The following SLC10A5 variants were observed in gnomAD, a reference collection of about 807,000 sequenced individuals.
SLC10A5 encodes sodium/bile acid cotransporter 5.
For missense variants in SLC10A5, 475 were observed against 500.7 expected (o/e 0.95, Z 0.49); for synonymous variants, 181 against 183.7 (o/e 0.99, Z 0.12).
Position 81,693,770 on chromosome 8 carries a change from A to G in SLC10A5, c.1203T>C (p.Phe401=), listed in dbSNP as rs746553143. ...CACATCCAGAACACATGGCTACTGT[A>G]AAAGGAGCCACAGAAGCTAAATTGG... ...SKANLASVAP[F]TVAMCSGCEM... is the part of the protein sequence containing the mutation. Residue 401 remains phenylalanine (F), a synonymous_variant, in exon 1 of 1, where the codon TTT becomes TTC. Coordinates refer to ENST00000518568, the MANE Select transcript of SLC10A5 (RefSeq NM_001010893.3). The G allele has an allele frequency of 1.9e-6, 3 of 1,613,962 alleles. No individual in the cohort carries two copies. The South Asian group carries it at 3.3e-5, about 18-fold the overall frequency.
rs752270441 is a variant in SLC10A5 at position 81,693,997 on chromosome 8, A to C, written c.976T>G (p.Leu326Val). Residue 326 changes from leucine to valine, a missense_variant, in exon 1 of 1, where the codon TTA (leucine) becomes GTA (valine). Transcript: ENST00000518568. ...AGATTATCTGTTTTTAAGAACACTA[A>C]TCCCACTGTGAAAGTCAAATAAATT... is the stretch of plus-strand genomic sequence containing the variant. Reference protein sequence around the residue: ...VGIYLTFTVGLVFLKTDNLEV... With the variant: ...VGIYLTFTVGVVFLKTDNLEV... 15 of 1,613,752 alleles carry C rather than the reference A, an allele frequency of 9.3e-6. No individual in the cohort carries two copies. The highest frequency in any genetic ancestry group is 1.3e-5 in the Non-Finnish European group (15 of 1,180,030).
Position 81,694,917 on chromosome 8 carries a change from G to C in SLC10A5, c.56C>G (p.Ala19Gly), listed in dbSNP as rs772578182. Residue 19 changes from alanine to glycine, a missense_variant, in exon 1 of 1, where the codon GCA (alanine) becomes GGA (glycine). By Grantham distance (60) the Ala-to-Gly change is moderately conservative. Transcript: ENST00000518568. ...CAGAAAACTGAGCGATGACATCCTT[G>C]CTTCTTCTATAGTCACAAGCAACAA... Reference protein sequence around the residue: ...LLLLLVTIEEARMSSLSFLNI... With the variant: ...LLLLLVTIEEGRMSSLSFLNI... 13 of 1,598,912 alleles carry C rather than the reference G, an allele frequency of 8.1e-6. No homozygotes were observed. The East Asian group carries it at 2.9e-4, about 36-fold the overall frequency.
In SLC10A5 at chr8:81,695,012, T is replaced by TA. The variant is rs1476437722; in HGVS notation, c.-41dup. ...TAAATCATATATGCAAAATCGTTTTTAAAAAATGAAAGAACATTCTTCATG... is the reference window on the plus strand; with the variant it reads ...TAAATCATATATGCAAAATCGTTTTTAAAAAAATGAAAGAACATTCTTCATG... On this transcript the variant is annotated 5_prime_UTR_variant, in exon 1 of 1. The change creates a premature stop within an existing upstream ORF in the 5' untranslated region. Coordinates refer to ENST00000518568, the MANE Select transcript of SLC10A5 (RefSeq NM_001010893.3). 7.6e-6 allele frequency: 11 copies of TA among 1,448,884 alleles called. No individual in the cohort carries two copies. The highest frequency in any genetic ancestry group is 2.4e-5 in the Admixed American group (1 of 40,958). 89.8% of individuals were successfully genotyped at this position (1,448,884 alleles called of 1,614,324 possible). A position where few individuals can be genotyped will look rare whatever the true frequency, so the allele number is the denominator to read the frequency against.
chr8:81,694,046 C>T lies in SLC10A5; in HGVS notation c.927G>A (p.Leu309=). 6.2e-7 allele frequency: 1 copy of T among 1,613,884 alleles called. No individual in the cohort carries two copies. The highest frequency in any genetic ancestry group is 2.2e-5 in the East Asian group (1 of 44,866). The stretch of plus-strand genomic sequence containing the variant: ...TTCCTACGAACATTAAAATAAAACT[C>T]AGAGGTCTAATTATTCTCTCTAAGA... ...ASFLERIIRP[L]SFILMFVGIY... Residue 309 remains leucine, a synonymous_variant, in exon 1 of 1, where the codon CTG becomes CTA. Transcript: ENST00000518568.
chr8:81,693,956 C>A lies in SLC10A5; in HGVS notation c.1017G>T (p.Leu339Phe), dbSNP rs751530257. The A allele has an allele frequency of 9.9e-6, 16 of 1,613,848 alleles. No homozygotes were observed. The highest frequency in any genetic ancestry group is 1.3e-5 in the Non-Finnish European group (15 of 1,180,038). Reference protein sequence around the residue: ...LKTDNLEVILLGLLVPALGLL... With the variant: ...LKTDNLEVILFGLLVPALGLL... ...AACCCAAAGCAGGAACTAAGAGACC[C>A]AACAGAATCACCTCTAGATTATCTG... Residue 339 changes from leucine to phenylalanine, a missense_variant, in exon 1 of 1, where the codon TTG becomes TTT. Physicochemically the swap from Leu to Phe is conservative, Grantham distance 22. Transcript: ENST00000518568.
At position 81,694,988 on chromosome 8, in the gene SLC10A5, A is replaced by T; in HGVS notation, c.-16T>A. On this transcript the variant is annotated 5_prime_UTR_variant, in exon 1 of 1. Coordinates refer to ENST00000518568, the MANE Select transcript of SLC10A5 (RefSeq NM_001010893.3). The stretch of plus-strand genomic sequence containing the variant: ...TTCTAATCATTTTGAAAGCTGAAAT[A>T]AATCATATATGCAAAATCGTTTTTA... 6.6e-7 allele frequency: 1 copy of T among 1,520,578 alleles called. No individual in the cohort carries two copies. The highest frequency in any genetic ancestry group is 8.8e-7 in the Non-Finnish European group (1 of 1,137,928). 94.2% of individuals were successfully genotyped at this position (1,520,578 alleles called of 1,614,324 possible).
At position 81,693,834 on chromosome 8, in the gene SLC10A5, G is replaced by C; in HGVS notation, c.1139C>G (p.Ala380Gly). 6.2e-7 allele frequency: 1 copy of C among 1,613,812 alleles called. No individual in the cohort carries two copies. The highest frequency in any genetic ancestry group is 8.5e-7 in the Non-Finnish European group (1 of 1,179,982). The change falls in exon 1 of 1, where the codon GCT becomes GGT. Residue 380 changes from alanine to glycine, a missense_variant. Physicochemically the swap from Ala to Gly is moderately conservative, Grantham distance 60. Coordinates refer to ENST00000518568, the MANE Select transcript of SLC10A5 (RefSeq NM_001010893.3). ...IESGMLNSFL[A>G]LAVIQLSFPQ... is the part of the protein sequence containing the mutation. The stretch of plus-strand genomic sequence containing the variant: ...AAAAGACAGCTGAATAACGGCAAGA[G>C]CTAAGAAACTATTTAACATCCCACT...
At position 81,694,822 on chromosome 8, in the gene SLC10A5, C is replaced by T. The variant is rs775547485; in HGVS notation, c.151G>A (p.Glu51Lys). 1.1e-5 allele frequency: 18 copies of T among 1,613,834 alleles called. No individual in the cohort carries two copies. The highest frequency in any genetic ancestry group is 1.6e-4 in the Middle Eastern group (1 of 6,074). The change falls in exon 1 of 1, where the codon GAA becomes AAA. Residue 51 changes from glutamate (E) to lysine (K), a missense_variant. Coordinates refer to ENST00000518568, the MANE Select transcript of SLC10A5 (RefSeq NM_001010893.3). The stretch of plus-strand genomic sequence containing the variant: ...TGGCTGGAATTAGGCCGTTTATTTT[C>T]GTAGCTTGAACTTACAAGGATGGTT... Reference protein sequence around the residue: ...EETILVSSSYENKRPNSSHLF... With the variant: ...EETILVSSSYKNKRPNSSHLF...
In SLC10A5 at chr8:81,694,398, C is replaced by G; in HGVS notation, c.575G>C (p.Gly192Ala). ...TGCCACAATCTGAGACAAAAGAAAC[C>G]CGCAAAATGGCATCAGAAAAAACTG... The part of the protein sequence containing the change: ...VTQFFLMPFC[G>A]FLLSQIVALP... The change falls in exon 1 of 1, where the codon GGG (glycine) becomes GCG (alanine). Residue 192 changes from glycine to alanine, a missense_variant. Coordinates refer to ENST00000518568, the MANE Select transcript of SLC10A5 (RefSeq NM_001010893.3). 4.3e-6 allele frequency: 7 copies of G among 1,614,100 alleles called. No homozygotes were observed. The highest frequency in any genetic ancestry group is 5.9e-6 in the Non-Finnish European group (7 of 1,180,030).
In SLC10A5 at chr8:81,694,782, A is replaced by G; in HGVS notation, c.191T>C (p.Ile64Thr). 2 of 1,613,822 alleles carry G rather than the reference A, an allele frequency of 1.2e-6. No individual in the cohort carries two copies. The highest frequency in any genetic ancestry group is 1.7e-4 in the Middle Eastern group (1 of 6,058). The part of the protein sequence containing the change: ...RPNSSHLFVK[I>T]EDPKILQMVN... ...CATTTGTAGTATTTTAGGATCTTCT[A>G]TTTTCACAAAGAGGTGGCTGGAATT... Residue 64 changes from isoleucine (I) to threonine (T), a missense_variant, in exon 1 of 1, where the codon ATA becomes ACA. Coordinates refer to ENST00000518568, the MANE Select transcript of SLC10A5 (RefSeq NM_001010893.3).
Position 81,694,050 on chromosome 8 carries a change from G to A in SLC10A5, c.923C>T (p.Pro308Leu), listed in dbSNP as rs763142890. 6.2e-6 allele frequency: 10 copies of A among 1,613,674 alleles called. No homozygotes were observed. Among genetic ancestry groups the A allele is most frequent in the South Asian group, 1.1e-5 (1 of 91,066 alleles). The change falls in exon 1 of 1, where the codon CCT becomes CTT. Residue 308 changes from proline to leucine, a missense_variant. By Grantham distance (98) the Pro-to-Leu change is moderately conservative. Transcript: ENST00000518568. ...KASFLERIIR[P>L]LSFILMFVGI... ...TACGAACATTAAAATAAAACTCAGA[G>A]GTCTAATTATTCTCTCTAAGAAGCT... is the stretch of plus-strand genomic sequence containing the variant.
chr8:81,694,598 C>A lies in SLC10A5; in HGVS notation c.375G>T (p.Val125=), dbSNP rs765735614. ...GGAGTAGACTGTCTTTTTGTTTGAG[C>A]ACTTTGACTTTCACATTCTTGATTT... ...IEEIKNVKVK[V]LKQKDSLLQA... Residue 125 remains valine, a synonymous_variant, in exon 1 of 1, where the codon GTG becomes GTT. Transcript: ENST00000518568. 5 of 1,613,968 alleles carry A rather than the reference C, an allele frequency of 3.1e-6. No homozygotes were observed. In the African/African-American group the frequency reaches 5.3e-5, roughly 17 times the overall value.
In SLC10A5 at chr8:81,694,541, T is replaced by C. The variant is rs1375797050; in HGVS notation, c.432A>G (p.Leu144=). 1 of 1,614,074 alleles carries C rather than the reference T, an allele frequency of 6.2e-7. No homozygotes were observed. Among genetic ancestry groups the C allele is most frequent in the Non-Finnish European group, 8.5e-7 (1 of 1,180,044 alleles). The change falls in exon 1 of 1, where the codon CTA becomes CTG. Residue 144 remains leucine (L), a synonymous_variant. Transcript: ENST00000518568. ...ATAGTATTAGTGGTAAAATAAGCAT[T>C]AGGATATTTCTATCAATATGCATTG... ...QAPMHIDRNI[L]MLILPLILLN...
rs1414746388 is a variant in SLC10A5 at position 81,694,472 on chromosome 8, A to C, written c.501T>G (p.Phe167Leu). 6.2e-7 allele frequency: 1 copy of C among 1,614,234 alleles called. No individual in the cohort carries two copies. Among genetic ancestry groups the C allele is most frequent in the African/African-American group, 1.3e-5 (1 of 75,064 alleles). The stretch of plus-strand genomic sequence containing the variant: ...GCAAAGGTCTCTTCCATACTGTTTG[A>C]AACAGCTGTAATTCAATCTTACAAC... ...AFGCKIELQL[F>L]QTVWKRPLPV... Residue 167 changes from phenylalanine (F) to leucine (L), a missense_variant, in exon 1 of 1, where the codon TTT (phenylalanine) becomes TTG (leucine). Transcript: ENST00000518568.
Position 81,693,644 on chromosome 8 carries a change from A to G in SLC10A5, c.*12T>C. The G allele has an allele frequency of 2.6e-6, 4 of 1,558,638 alleles. No individual in the cohort carries two copies. Among genetic ancestry groups the G allele is most frequent in the Non-Finnish European group, 3.5e-6 (4 of 1,152,988 alleles). Reference sequence around the variant, plus strand: ...CCCTACCCAGAGTAGGAATTCAGTAATGCTTTAATTGTTAGATTAGGAAAT... The same window carrying G: ...CCCTACCCAGAGTAGGAATTCAGTAGTGCTTTAATTGTTAGATTAGGAAAT... On this transcript the variant is annotated 3_prime_UTR_variant, in exon 1 of 1. Transcript: ENST00000518568.
Position 81,693,865 on chromosome 8 carries a change from T to A in SLC10A5, c.1108A>T (p.Ile370Phe). 6.2e-7 allele frequency: 1 copy of A among 1,613,728 alleles called. No individual in the cohort carries two copies. The highest frequency in any genetic ancestry group is 8.5e-7 in the Non-Finnish European group (1 of 1,179,954). ...AAACTATTTAACATCCCACTTTCAA[T>A]AGCAACAGTTTTACAAACAGGAAGA... is the stretch of plus-strand genomic sequence containing the variant. ...LPLPVCKTVA[I>F]ESGMLNSFLA... Residue 370 changes from isoleucine (I) to phenylalanine (F), a missense_variant, in exon 1 of 1, where the codon ATT (isoleucine) becomes TTT (phenylalanine). By Grantham distance (21) the Ile-to-Phe change is conservative. Coordinates refer to ENST00000518568, the MANE Select transcript of SLC10A5 (RefSeq NM_001010893.3).
In SLC10A5 at chr8:81,695,019, T is replaced by G; in HGVS notation, c.-47A>C. 1 of 1,399,202 alleles carries G rather than the reference T, an allele frequency of 7.1e-7. No homozygotes were observed. The highest frequency in any genetic ancestry group is 9.6e-7 in the Non-Finnish European group (1 of 1,045,402). 86.7% of individuals were successfully genotyped at this position (1,399,202 alleles called of 1,614,324 possible). ...TATATGCAAAATCGTTTTTAAAAAA[T>G]GAAAGAACATTCTTCATGCAGGTGT... On this transcript the variant is annotated 5_prime_UTR_variant, in exon 1 of 1. Transcript: ENST00000518568.
chr8:81,693,871 C>T lies in SLC10A5; in HGVS notation c.1102G>A (p.Val368Ile). ...CTLPLPVCKT[V>I]AIESGMLNSF... The stretch of plus-strand genomic sequence containing the variant: ...TTTAACATCCCACTTTCAATAGCAA[C>T]AGTTTTACAAACAGGAAGAGGCAGC... The change falls in exon 1 of 1, where the codon GTT (valine) becomes ATT (isoleucine). Residue 368 changes from valine to isoleucine, a missense_variant. By Grantham distance (29) the Val-to-Ile change is conservative (BLOSUM62 3). Coordinates refer to ENST00000518568, the MANE Select transcript of SLC10A5 (RefSeq NM_001010893.3). 6.2e-7 allele frequency: 1 copy of T among 1,613,762 alleles called. No homozygotes were observed. Among genetic ancestry groups the T allele is most frequent in the South Asian group, 1.1e-5 (1 of 90,924 alleles).
chr8:81,693,909 G>C lies in SLC10A5; in HGVS notation c.1064C>G (p.Ala355Gly). The change falls in exon 1 of 1, where the codon GCT becomes GGT. Residue 355 changes from alanine to glycine, a missense_variant. Physicochemically the swap from Ala to Gly is moderately conservative, Grantham distance 60. Transcript: ENST00000518568. ...AGGAAGAGGCAGCGTACAAACTTTA[G>C]CAAAGGAGTACCCAAACAGCAAACC... ...ALGLLFGYSF[A>G]KVCTLPLPVC... 1 of 1,614,002 alleles carries C rather than the reference G, an allele frequency of 6.2e-7. No individual in the cohort carries two copies. The highest frequency in any genetic ancestry group is 1.1e-5 in the South Asian group (1 of 91,052).
Sources: gnomAD v4.1 joint callset for allele counts on GRCh38, gnomAD v4.1.1 for gene constraint, MANE v1.5 for transcripts, NCBI Gene and HGNC (gene_info 2026-07-23, HGNC 2026-07-21) for gene names.